FGF13: variants seen among roughly 807,000 people sequenced by gnomAD.
FGF13 encodes fibroblast growth factor homologous factor 2.
Under a neutral mutation model 19.5 loss-of-function variants are expected in FGF13, and 2 were observed. The ratio of observed to expected loss-of-function variants is 0.10; its 90% CI spans 0.04 to 0.32. The LOEUF is 0.32. Among genes scored for constraint, FGF13 ranks in the 10% least tolerant of loss-of-function variants. FGF13 has a pLI of 1.00. For synonymous variants in FGF13, 72 were observed against 76.9 expected (o/e 0.94, Z 0.33); for missense variants, 113 against 192.7 (o/e 0.59, Z 2.45).
intron 1 of FGF13, among the ~76,000 whole-genome samples, chrX:139,194,640 G>C (rs1476589241): frequency 3.6e-5 from 4 of 111,509 alleles, no homozygotes; most frequent in African/African-American, 1.3e-4. Flanking sequence ...CAGGTGTACG[G>C]AAAGCAAGAA....
At chrX:138,797,937 G>T (rs191213248) in intron 3 of FGF13, among the ~76,000 whole-genome samples, 182 of 112,172 alleles carry the variant, frequency 1.6e-3, no homozygotes, top group African/African-American at 5.7e-3. Flanking sequence ...TGCTGAAGTT[G>T]TTTATCAGCT....
At chrX:138,801,841 G>C (rs1035106219) in intron 3 of FGF13, among the ~76,000 whole-genome samples, 6 of 112,240 alleles carry the variant, frequency 5.3e-5, no homozygotes, top group African/African-American at 1.9e-4. Flanking sequence ...ACTGTGGTGC[G>C]TTCCACCCAG....
At chrX:138,758,019 T>C in intron 3 of FGF13, among the ~76,000 whole-genome samples, 1 of 112,113 alleles carries the variant, frequency 8.9e-6, no homozygotes, top group African/African-American at 3.2e-5. Flanking sequence ...AACTAGCACA[T>C]GCAGTACTGA....
intron 1 of FGF13, among the ~76,000 whole-genome samples, chrX:139,092,458 C>A (rs1214351398): frequency 8.9e-6 from 1 of 112,235 alleles, no homozygotes; most frequent in African/African-American, 3.2e-5. Flanking sequence ...CAGGCAGAAG[C>A]CAGCCAGTTC....
In FGF13 at chrX:138,791,813, C is replaced by T. The variant is rs578206342; in HGVS notation, c.217+65699G>A. Reference sequence around the variant, plus strand: ...GTTCATTTGTTAGTCATCAACATTTCTCAACTTACCCCCAGGATATATTTA... The same window carrying T: ...GTTCATTTGTTAGTCATCAACATTTTTCAACTTACCCCCAGGATATATTTA... On this transcript the variant is annotated intron_variant, in intron 3 of 6. Transcript: ENST00000436198. Among the ~76,000 whole-genome samples the T allele has an allele frequency of 6.8e-4, 76 of 112,049 alleles. 1 individual carries two copies. Among genetic ancestry groups the T allele is most frequent in the Middle Eastern group, 4.6e-3 (1 of 218 alleles).
intron 1 of FGF13, among the ~76,000 whole-genome samples, chrX:139,199,397 A>G (rs749697020): frequency 2.7e-4 from 30 of 112,031 alleles, no homozygotes; most frequent in Non-Finnish European, 4.7e-4. Context: ...TGAAGCAGAC[A>G]CTAGAAAGCC....
At chrX:138,911,525 A>G (rs2091587917) in intron 1 of FGF13, among the ~76,000 whole-genome samples, 1 of 110,996 alleles carries the variant, frequency 9.0e-6, no homozygotes, top group Admixed American at 9.6e-5. Flanking sequence ...TAGGCTTAAT[A>G]CCTGAGTGAT....
At chrX:138,962,535 C>T (rs1296723667) in intron 1 of FGF13, among the ~76,000 whole-genome samples, 2 of 112,158 alleles carry the variant, frequency 1.8e-5, no homozygotes, top group Admixed American at 1.9e-4. Context: ...ATCATAAAGA[C>T]ACATGCACAC....
At chrX:138,651,871 T>TA (rs1184836729) in intron 3 of FGF13, among the ~76,000 whole-genome samples, 1 of 111,917 alleles carries the variant, frequency 8.9e-6, no homozygotes, top group Non-Finnish European at 1.9e-5. Flanking sequence ...GACTCCTTGA[T>TA]AGCATTCCCT....
At chrX:138,960,981 T>C (rs1199108795) in intron 1 of FGF13, among the ~76,000 whole-genome samples, 1 of 111,414 alleles carries the variant, frequency 9.0e-6, no homozygotes, top group Non-Finnish European at 1.9e-5. Flanking sequence ...GAGAAGTTTG[T>C]TATTACCGAT....
intron 1 of FGF13, among the ~76,000 whole-genome samples, chrX:139,194,079 A>G (rs762948022): frequency 8.9e-6 from 1 of 112,035 alleles, no homozygotes; most frequent in Non-Finnish European, 1.9e-5. Flanking sequence ...TTCACACCCC[A>G]GGCACAAATC....
chrX:138,878,795 C>T (rs1401519892), intron 1 of FGF13, among the ~76,000 whole-genome samples: 5 of 111,592 alleles, frequency 4.5e-5, no homozygotes, highest in Middle Eastern at 4.6e-3. Context: ...TATTTCTCCA[C>T]GTCCTCTCCA....
At chrX:138,682,273 C>T (rs2089736572) in intron 3 of FGF13, among the ~76,000 whole-genome samples, 1 of 112,230 alleles carries the variant, frequency 8.9e-6, no homozygotes, top group Non-Finnish European at 1.9e-5. Flanking sequence ...CCATAGCTGT[C>T]TATAAGTATA....
intron 3 of FGF13, among the ~76,000 whole-genome samples, chrX:138,771,612 G>A (rs1251457035): frequency 1.8e-5 from 2 of 110,853 alleles, no homozygotes; most frequent in Non-Finnish European, 3.8e-5. Context: ...TTCCCCTCCA[G>A]AAAAAGGTAT....
Position 138,711,148 on chromosome X carries a change from T to C in FGF13, c.-145A>G. The C allele has an allele frequency of 9.2e-7, 1 of 1,085,859 alleles. No homozygotes were observed. 89.5% of individuals were successfully genotyped at this position (1,085,859 alleles called of 1,213,427 possible). On this transcript the variant is annotated 5_prime_UTR_variant, in exon 1 of 5. Transcript: ENST00000315930. ...TGCGTTTGCCCGGGCTTCTCCGCACTCGGGCTTCAGCCAAGGAGGGGGCTC... is the reference window on the plus strand; with the variant it reads ...TGCGTTTGCCCGGGCTTCTCCGCACCCGGGCTTCAGCCAAGGAGGGGGCTC...
intron 1 of FGF13, among the ~76,000 whole-genome samples, chrX:139,172,545 G>A (rs1247456674): frequency 2.7e-5 from 3 of 111,563 alleles, no homozygotes; most frequent in East Asian, 2.8e-4. Context: ...CTAGGATTCC[G>A]AGGTTCTGGT....
intron 1 of FGF13, among the ~76,000 whole-genome samples, chrX:138,925,257 TGCAAGGTCACACA>T (rs1349330143): frequency 1.8e-5 from 2 of 111,573 alleles, no homozygotes; most frequent in African/African-American, 6.5e-5. Flanking sequence ...ATGATACTCA[TGCAAGGTCACACA>T]GCAAGTTACG....
intron 1 of FGF13, among the ~76,000 whole-genome samples, chrX:139,165,786 G>T (rs773888654): frequency 9.0e-6 from 1 of 111,692 alleles, no homozygotes. Context: ...CAGGCCCAAA[G>T]AATGCAAGAA....
intron 3 of FGF13, among the ~76,000 whole-genome samples, chrX:138,782,263 C>G (rs1296929498): frequency 8.9e-6 from 1 of 112,363 alleles, no homozygotes; most frequent in Non-Finnish European, 1.9e-5. Context: ...CAGGGATGGC[C>G]TCTCTCACCA....
Sources: allele counts gnomAD v4.1 joint callset (sites outside exome capture counted in the v4.1 genomes callset), GRCh38; gene constraint gnomAD v4.1.1; transcripts MANE v1.5; gene names NCBI Gene and HGNC (gene_info 2026-07-23, HGNC 2026-07-21).